NEK9: variants seen among roughly 807,000 people sequenced by gnomAD.
NEK9 encodes the protein serine/threonine-protein kinase Nek9.
A neutral mutation model predicts 123.4 loss-of-function variants in NEK9; 75 were observed. The ratio of observed to expected loss-of-function variants is 0.61; its 90% CI spans 0.50 to 0.74. The LOEUF (loss-of-function observed/expected upper bound fraction) is 0.74. Ranked by LOEUF, NEK9 falls within the 30% of genes least tolerant of loss-of-function variation. NEK9 has a pLI of 0.00. For missense variants in NEK9, 952 were observed against 1,214.4 expected (o/e 0.78, Z 3.21); for synonymous variants, 438 against 458.7 (o/e 0.95, Z 0.58).
At chr14:75,123,299 GC>G (rs1454224285) in intron 2 of NEK9, among the ~76,000 whole-genome samples, 1 of 152,130 alleles carries the variant, frequency 6.6e-6, no homozygotes, top group Non-Finnish European at 1.5e-5. Context: ...TACTTGGGAG[GC>G]TGAGGCAGGA....
rs559708152 is a variant in NEK9, at chr14:75,095,513, T to C, written c.2174-82A>G. ...AGAGAAGACTAGGATAGGGAGATAATTGCTCTCCTTGACTCCAGATAACTT... is the reference window on the plus strand; with the variant it reads ...AGAGAAGACTAGGATAGGGAGATAACTGCTCTCCTTGACTCCAGATAACTT... On this transcript the variant is annotated intron_variant, in intron 17 of 21. Transcript: ENST00000238616. The C allele has an allele frequency of 7.6e-5, 64 of 841,582 alleles. No individual in the cohort carries two copies. The East Asian group carries it at 1.3e-3, about 17-fold the overall frequency. The allele number at this position is 841,582 out of a possible 1,614,324, so 52.1% of individuals were successfully genotyped here. A position where few individuals can be genotyped will look rare whatever the true frequency, so the allele number is the denominator to read the frequency against.
In NEK9 at chr14:75,106,663, C is replaced by T. The variant is rs1362564667; in HGVS notation, c.1367G>A (p.Gly456Asp). ...QLYAFGSDYY[G>D]CMGVDKVAGP... ...AGCAACTTTGTCCACCCCCATGCAG[C>T]CATAATAATCTGATCCGAAGGCATA... The change falls in exon 12 of 22, where the codon GGC (glycine) becomes GAC (aspartate). Residue 456 changes from glycine (G) to aspartate (D), a missense_variant. Gly to Asp is a moderately conservative substitution (Grantham distance 94). Coordinates refer to ENST00000238616, the MANE Select transcript of NEK9 (RefSeq NM_033116.6). The T allele has an allele frequency of 1.2e-6, 2 of 1,613,952 alleles. No individual in the cohort carries two copies. The highest frequency in any genetic ancestry group is 1.7e-6 in the Non-Finnish European group (2 of 1,180,006).
intron 10 of NEK9, 42 bp downstream of exon 10, chr14:75,109,643 T>C (rs749148692): frequency 1.3e-6 from 2 of 1,565,184 alleles, no homozygotes; most frequent in East Asian, 2.2e-5. Context: ...AGTAAACAAT[T>C]AGGCTTACAG....
chr14:75,121,048 TA>T lies in NEK9; in HGVS notation c.453+70del, dbSNP rs753273771. 4.9e-6 allele frequency: 6 copies of T among 1,225,746 alleles called. No homozygotes were observed. In the South Asian group the frequency reaches 6.0e-5, roughly 12 times the overall value. 75.9% of individuals were successfully genotyped at this position (1,225,746 alleles called of 1,614,324 possible). On this transcript the variant is annotated intron_variant, in intron 3 of 21. Transcript: ENST00000238616. ...AAAACACTCTTCACTATTGGAAGAGTAAATACAGAACTAGAATGCAAGAATT... is the reference window on the plus strand; with the variant it reads ...AAAACACTCTTCACTATTGGAAGAGTAATACAGAACTAGAATGCAAGAATT...
chr14:75,100,931 A>T (rs1894554077), intron 16 of NEK9, 61 bp downstream of exon 16: 1 of 1,524,436 alleles, frequency 6.6e-7, no homozygotes, highest in Non-Finnish European at 8.9e-7. Flanking sequence ...TTTCTTTCCC[A>T]GCCAAGAACT....
chr14:75,119,610 G>T (rs1257288581), intron 4 of NEK9, among the ~76,000 whole-genome samples: 1 of 152,180 alleles, frequency 6.6e-6, no homozygotes, highest in Non-Finnish European at 1.5e-5. Context: ...CTTATGCCTT[G>T]AATTAAGTGA....
chr14:75,109,566 C>T, intron 10 of NEK9, 119 bp downstream of exon 10: 7 of 859,604 alleles, frequency 8.1e-6, no homozygotes, highest in Non-Finnish European at 1.3e-5. Context: ...GCTTCCATTC[C>T]ATCACCCCAT....
At chr14:75,114,416 G>T in intron 6 of NEK9, 103 bp from the exon 7 acceptor site, 1 of 884,226 alleles carries the variant, frequency 1.1e-6, no homozygotes, top group South Asian at 1.5e-5. Context: ...TTAAAGAATT[G>T]GCAATAGGTC....
intron 10 of NEK9, 88 bp from the exon 11 acceptor site, chr14:75,107,575 C>T (rs1894821314): frequency 8.5e-7 from 1 of 1,171,088 alleles, no homozygotes; most frequent in Non-Finnish European, 1.2e-6. Flanking sequence ...CGCTATGTTG[C>T]CCAAGCTGGT....
At chr14:75,111,107 C>T (rs984713135) in intron 8 of NEK9, among the ~76,000 whole-genome samples, 5 of 152,196 alleles carry the variant, frequency 3.3e-5, no homozygotes, top group Non-Finnish European at 5.9e-5. Flanking sequence ...ACTGCCCTCT[C>T]GCAAACATCC....
chr14:75,120,705 A>C, intron 3 of NEK9, 125 bp from the exon 4 acceptor site: 1 of 733,442 alleles, frequency 1.4e-6, no homozygotes, highest in Non-Finnish European at 2.3e-6. Flanking sequence ...ATGACTTGAC[A>C]TCTCTTCCTT....
chr14:75,107,455 C>T lies in NEK9; in HGVS notation c.1215G>A (p.Gln405=). 6.2e-7 allele frequency: 1 copy of T among 1,613,042 alleles called. No homozygotes were observed. The highest frequency in any genetic ancestry group is 8.5e-7 in the Non-Finnish European group (1 of 1,179,524). The change falls in exon 11 of 22, where the codon CAG becomes CAA. Residue 405 remains glutamine, a synonymous_variant. Transcript: ENST00000238616. The stretch of plus-strand genomic sequence containing the variant: ...AGGAGGCTTTGTCTCCATGGCCCAG[C>T]TGACCATGGAGTTTAGTGCCTCCTT... ...NMQGGTKLHG[Q]LGHGDKASYR...
intron 16 of NEK9, among the ~76,000 whole-genome samples, chr14:75,100,173 A>G (rs1894525126): frequency 7.6e-6 from 1 of 131,542 alleles, no homozygotes; most frequent in Non-Finnish European, 1.6e-5. Context: ...AAGGCCAGGC[A>G]CAATGGCTCA....
chr14:75,100,068 G>C (rs1274859033), intron 16 of NEK9, among the ~76,000 whole-genome samples: 3 of 140,000 alleles, frequency 2.1e-5, no homozygotes, highest in African/African-American at 8.0e-5. Flanking sequence ...GGTGGAGGTT[G>C]CAGTGAGCCA....
In NEK9 at chr14:75,113,341, C is replaced by T; in HGVS notation, c.936G>A (p.Arg312=). The change falls in exon 8 of 22, where the codon AGG becomes AGA. Residue 312 remains arginine, a splice_region_variant and synonymous_variant. Transcript: ENST00000238616. ...LLDRPLLRKR[R]REMEEKVTLL... ...GGAGTGACTTCTTCATAATTTACCT[C>T]CTGCGTTTCCTGAGAAGAGGGCGAT... 6.2e-7 allele frequency: 1 copy of T among 1,612,220 alleles called. No homozygotes were observed. The highest frequency in any genetic ancestry group is 1.1e-5 in the South Asian group (1 of 90,986).
At chr14:75,100,395 G>A (rs1290517455) in intron 16 of NEK9, among the ~76,000 whole-genome samples, 2 of 152,096 alleles carry the variant, frequency 1.3e-5, no homozygotes, top group African/African-American at 4.8e-5. Context: ...GTGATGAGCC[G>A]AGATTGCGCC....
intron 4 of NEK9, among the ~76,000 whole-genome samples, chr14:75,119,403 C>A (rs1218926688): frequency 1.3e-5 from 2 of 152,212 alleles, no homozygotes; most frequent in Non-Finnish European, 2.9e-5. Flanking sequence ...TCATCACTTT[C>A]ACATGCTATT....
At chr14:75,098,007 G>C (rs1182061551) in intron 16 of NEK9, among the ~76,000 whole-genome samples, 4 of 152,242 alleles carry the variant, frequency 2.6e-5, no homozygotes, top group Non-Finnish European at 5.9e-5. Context: ...CTTACTGACT[G>C]ATAGAGGAAA....
Position 75,115,265 on chromosome 14 carries a change from G to A in NEK9, c.763-952C>T, listed in dbSNP as rs151247018. On this transcript the variant is annotated intron_variant, in intron 6 of 21. Coordinates refer to ENST00000238616, the MANE Select transcript of NEK9 (RefSeq NM_033116.6). ...TGAGTAGCTGGGATTACGGGCATGC[G>A]CCACCATGCCTGGATAATTTTTGTA... 2.3e-3 allele frequency among the ~76,000 whole-genome samples: 352 copies of A among 152,102 alleles called. 2 individuals are homozygous for A. Among genetic ancestry groups the A allele is most frequent in the East Asian group, 6.8e-3 (35 of 5,146 alleles).
Sources: allele counts gnomAD v4.1 joint callset (sites outside exome capture counted in the v4.1 genomes callset), GRCh38; gene constraint gnomAD v4.1.1; transcripts MANE v1.5; gene names NCBI Gene and HGNC (gene_info 2026-07-23, HGNC 2026-07-21).